Variants in DPP10 observed in about 807,000 individuals in gnomAD.
DPP10 encodes the protein inactive dipeptidyl peptidase 10.
DPP10 carries 33 observed loss-of-function variants against 120.9 expected under a neutral mutation model. The observed-to-expected ratio is 0.27, with a 90% confidence interval of 0.21 to 0.37. The LOEUF (loss-of-function observed/expected upper bound fraction) is 0.37. DPP10 is among the 10% of genes least tolerant of loss of function. The pLI is 1.00. For synonymous variants in DPP10, 337 were observed against 326.1 expected, an observed-to-expected ratio of 1.03 and a Z score of -0.36; for missense variants, 816 against 942.8, an observed-to-expected ratio of 0.87 and a Z score of 1.76.
chr2:115,746,436 G>C (rs1677984813), intron 10 of DPP10, among the ~76,000 whole-genome samples: 1 of 152,118 alleles, frequency 6.6e-6, no homozygotes, highest in Non-Finnish European at 1.5e-5. Context: ...TCTTTTGCTG[G>C]AGATGTGACA....
intron 13 of DPP10, among the ~76,000 whole-genome samples, chr2:115,776,686 T>C (rs1179057389): frequency 1.3e-5 from 2 of 152,138 alleles, no homozygotes; most frequent in African/African-American, 2.4e-5. Context: ...TATTAAAATG[T>C]TGGTCCTATA....
At chr2:115,200,773 A>G (rs1329094678) in intron 1 of DPP10, among the ~76,000 whole-genome samples, 1 of 152,128 alleles carries the variant, frequency 6.6e-6, no homozygotes, top group East Asian at 1.9e-4. Flanking sequence ...ATTACTGTTT[A>G]TACTTGTCTA....
At chr2:115,398,773 G>A (rs2067860337) in intron 3 of DPP10, among the ~76,000 whole-genome samples, 1 of 152,090 alleles carries the variant, frequency 6.6e-6, no homozygotes, top group African/African-American at 2.4e-5. Flanking sequence ...GAAGAATGAA[G>A]ATCTTAAATT....
At chr2:115,353,607 C>A (rs570260159) in intron 3 of DPP10, among the ~76,000 whole-genome samples, 1 of 152,092 alleles carries the variant, frequency 6.6e-6, no homozygotes, top group Admixed American at 6.6e-5. Context: ...TTACCTAATA[C>A]GTGTTCAGTA....
chr2:115,175,001 A>G (rs762765499), intron 1 of DPP10, among the ~76,000 whole-genome samples: 2 of 152,208 alleles, frequency 1.3e-5, no homozygotes, highest in Admixed American at 6.5e-5. Context: ...ATTGCACACA[A>G]GGAAGTGAGA....
At chr2:114,799,156 A>T (rs1261527860) in intron 1 of DPP10, among the ~76,000 whole-genome samples, 1 of 152,220 alleles carries the variant, frequency 6.6e-6, no homozygotes, top group Admixed American at 6.5e-5. Context: ...AAAAGTTTAT[A>T]TTAAAGAATA....
At chr2:114,779,606 C>G (rs564275667) in intron 1 of DPP10, among the ~76,000 whole-genome samples, 2 of 152,220 alleles carry the variant, frequency 1.3e-5, no homozygotes, top group South Asian at 4.2e-4. Flanking sequence ...CCCAACATAA[C>G]TTGACCTTTC....
intron 21 of DPP10, among the ~76,000 whole-genome samples, chr2:115,820,768 C>CT (rs1471240583): frequency 6.7e-6 from 1 of 149,010 alleles, no homozygotes; most frequent in Non-Finnish European, 1.5e-5. Flanking sequence ...TGTTTCATTC[C>CT]TTTTTATGGC....
chr2:114,730,425 G>C (rs1381568866), intron 1 of DPP10, among the ~76,000 whole-genome samples: 1 of 152,168 alleles, frequency 6.6e-6, no homozygotes. Context: ...GTGTGGTCAT[G>C]AATTTCCAAG....
chr2:115,667,864 A>G (rs1432424506), intron 5 of DPP10, among the ~76,000 whole-genome samples: 1 of 151,648 alleles, frequency 6.6e-6, no homozygotes. Flanking sequence ...TTCTGCTGCC[A>G]TTTCCCATCT....
intron 1 of DPP10, among the ~76,000 whole-genome samples, chr2:115,112,692 G>C (rs978739446): frequency 6.6e-6 from 1 of 152,166 alleles, no homozygotes; most frequent in African/African-American, 2.4e-5. Flanking sequence ...GAGTAAAATG[G>C]TGGTTACCAG....
intron 5 of DPP10, among the ~76,000 whole-genome samples, chr2:115,534,057 T>C (rs1039951994): frequency 2.6e-5 from 4 of 152,020 alleles, no homozygotes; most frequent in African/African-American, 7.2e-5. Context: ...CTAATGTATT[T>C]ATCAATTTAT....
At chr2:115,032,841 C>T (rs541055431) in intron 1 of DPP10, among the ~76,000 whole-genome samples, 8 of 148,974 alleles carry the variant, frequency 5.4e-5, no homozygotes, top group Non-Finnish European at 8.9e-5. Flanking sequence ...GCTGAGATCG[C>T]GCCATTGTAC....
At chr2:115,358,597 C>T (rs1036603350) in intron 3 of DPP10, among the ~76,000 whole-genome samples, 10 of 152,152 alleles carry the variant, frequency 6.6e-5, no homozygotes, top group African/African-American at 2.4e-4. Flanking sequence ...GCCTGTTACC[C>T]AGTTTCAAAG....
At chr2:115,073,128 G>A (rs938971724) in intron 1 of DPP10, among the ~76,000 whole-genome samples, 10 of 152,116 alleles carry the variant, frequency 6.6e-5, no homozygotes, top group Non-Finnish European at 1.5e-4. Context: ...TAATCTTCCT[G>A]ATCTTCCTGA....
At chr2:115,109,357 G>T (rs1331916683) in intron 1 of DPP10, among the ~76,000 whole-genome samples, 1 of 152,056 alleles carries the variant, frequency 6.6e-6, no homozygotes, top group African/African-American at 2.4e-5. Context: ...CCAACATGGT[G>T]AAACCCCATC....
intron 1 of DPP10, among the ~76,000 whole-genome samples, chr2:114,663,666 T>G (rs55921931): frequency 0.62 from 57,380 of 91,898 alleles, 16,995 homozygotes; most frequent in Middle Eastern, 0.76. Flanking sequence ...TATATATATA[T>G]ATAGAGAGAG....
intron 8 of DPP10, among the ~76,000 whole-genome samples, chr2:115,736,749 C>T (rs1676565929): frequency 6.6e-6 from 1 of 152,156 alleles, no homozygotes; most frequent in Admixed American, 6.5e-5. Context: ...GTCAAAGGCT[C>T]AGCGATGGCC....
At chr2:115,623,115 G>T (rs1470766121) in intron 5 of DPP10, among the ~76,000 whole-genome samples, 1 of 152,102 alleles carries the variant, frequency 6.6e-6, no homozygotes, top group African/African-American at 2.4e-5. Flanking sequence ...AAAGTGCTGG[G>T]ATTACAGGCG....
Sources: gnomAD v4.1 joint callset for allele counts (sites outside exome capture counted in the v4.1 genomes callset) on GRCh38, gnomAD v4.1.1 for gene constraint, MANE v1.5 for transcripts, NCBI Gene and HGNC (gene_info 2026-07-23, HGNC 2026-07-21) for gene names.